Variants in GOLGA6C observed in about 807,000 individuals in gnomAD.
GOLGA6C encodes the protein golgin A6 family member C.
In GOLGA6C, 3 loss-of-function variants were observed where a neutral mutation model predicts 57.5. The observed-to-expected ratio is 0.05, with a 90% CI of 0.02 to 0.13. The LOEUF (loss-of-function observed/expected upper bound fraction) is 0.13. Among genes scored for constraint, GOLGA6C ranks in the 10% least tolerant of loss-of-function variants. The probability of loss-of-function intolerance (pLI) is 1.00; values close to 1 mark genes in which losing one functional copy is unlikely to be tolerated. For missense variants in GOLGA6C, 88 were observed against 525.6 expected (o/e 0.17, Z 8.14); for synonymous variants, 32 against 203.8 (o/e 0.16, Z 7.18).
At position 75,269,543 on chromosome 15, in the gene GOLGA6C, AC is replaced by A. The variant is rs1567165785; in HGVS notation, c.1685del (p.Thr562LysfsTer4). The A allele has an allele frequency of 2.4e-6, 3 of 1,263,580 alleles. No individual in the cohort carries two copies. Among genetic ancestry groups the A allele is most frequent in the Non-Finnish European group, 2.2e-6 (2 of 893,580 alleles). 78.3% of individuals were successfully genotyped at this position (1,263,580 alleles called of 1,614,324 possible). ...ELGFVQPSGVTDGMRESFTVY... is the reference protein window; with the variant it reads ...ELGFVQPSGVXDGMRESFTVY... ...TGGATTCGTCCAGCCTTCTGGAGTG[AC>A]AGACGGCATGAGTGAGCGGGAGGCC... On this transcript the variant is annotated frameshift_variant, in exon 15 of 18. Transcript: ENST00000300576. LOFTEE classifies it high-confidence loss of function.
intron 1 of GOLGA6C, among the ~76,000 whole-genome samples, chr15:75,259,024 C>T (rs1287672322): frequency 2.0e-5 from 3 of 149,416 alleles, no homozygotes; most frequent in East Asian, 2.0e-4. Context: ...CCAGCCCCAA[C>T]CCCCCAGCAT....
intron 1 of GOLGA6C, 39 bp from the exon 2 acceptor site, chr15:75,260,334 G>T: frequency 6.3e-7 from 1 of 1,599,590 alleles, no homozygotes; most frequent in Non-Finnish European, 8.5e-7. Flanking sequence ...TGTAAGGGCT[G>T]GTAGTTCTCA....
chr15:75,264,955 T>C (rs1595970951), intron 7 of GOLGA6C, among the ~76,000 whole-genome samples, 167 bp from the exon 8 acceptor site: 1 of 150,512 alleles, frequency 6.6e-6, no homozygotes, highest in East Asian at 2.0e-4. Flanking sequence ...ATTCGATCTC[T>C]TTCCCTCTCC....
At chr15:75,259,036 G>A (rs1409408071) in intron 1 of GOLGA6C, among the ~76,000 whole-genome samples, 5 of 148,808 alleles carry the variant, frequency 3.4e-5, no homozygotes, top group African/African-American at 7.6e-5. Context: ...CCCCAGCATC[G>A]CCAGTCATCC....
chr15:75,269,200 G>T (rs562371884), intron 14 of GOLGA6C, among the ~76,000 whole-genome samples: 2 of 146,554 alleles, frequency 1.4e-5, no homozygotes, highest in Admixed American at 6.9e-5. Flanking sequence ...ACGGCTATGT[G>T]GGCAGCGGAA....
Position 75,266,445 on chromosome 15 carries a change from A to T in GOLGA6C, c.1188A>T (p.Arg396=). 1 of 401,646 alleles carries T rather than the reference A, an allele frequency of 2.5e-6. No homozygotes were observed. The highest frequency in any genetic ancestry group is 6.2e-5 in the Admixed American group (1 of 16,064). The allele number at this position is 401,646 out of a possible 1,614,324, so 24.9% of individuals were successfully genotyped here. Residue 396 remains arginine, a synonymous_variant, in exon 11 of 18, where the codon CGA becomes CGT. Transcript: ENST00000300576. ...QRLRKQEERL[R]KEEERLQKQE... The stretch of plus-strand genomic sequence containing the variant: ...TACGCAAACAGGAGGAGAGGCTGCG[A>T]AAGGAGGAGGAGAGGCTGCAAAAGC...
chr15:75,260,852 GTAC>G (rs2070733899), intron 2 of GOLGA6C, among the ~76,000 whole-genome samples: 1 of 102,954 alleles, frequency 9.7e-6, no homozygotes, highest in African/African-American at 4.2e-5. Context: ...GGGCTAATGA[GTAC>G]AGCCACTTGC....
At chr15:75,264,439 GGTGTGTGTGTGT>G (rs368165570) in intron 7 of GOLGA6C, among the ~76,000 whole-genome samples, 1 of 117,318 alleles carries the variant, frequency 8.5e-6, no homozygotes, top group Non-Finnish European at 1.7e-5. Flanking sequence ...AGAGGAAAGG[GGTGTGTGTGTGT>G]GTGTGTGTGT....
rs1168607458 is a variant in GOLGA6C at position 75,270,450 on chromosome 15, C to T, written c.*251C>T. On this transcript the variant is annotated 3_prime_UTR_variant, in exon 18 of 18. Coordinates refer to ENST00000300576, the MANE Select transcript of GOLGA6C (RefSeq NM_001164404.2). ...AAAAGTTAAGGGAGAGTTGGTCTTT[C>T]CCTGATGTTCTTTCTGGCATCCTTT... Among the ~76,000 whole-genome samples the T allele has an allele frequency of 8.3e-6, 1 of 120,102 alleles. No homozygotes were observed. The highest frequency in any genetic ancestry group is 1.7e-5 in the Non-Finnish European group (1 of 60,476). The allele number at this position is 120,102 out of a possible 152,430, so 78.8% of individuals were successfully genotyped here.
Position 75,270,224 on chromosome 15 carries a change from C to A in GOLGA6C, c.*25C>A, listed in dbSNP as rs1449944757. On this transcript the variant is annotated 3_prime_UTR_variant, in exon 18 of 18. Coordinates refer to ENST00000300576, the MANE Select transcript of GOLGA6C (RefSeq NM_001164404.2). ...GGAGCACCCAGGCTTGCCCAGCAAACCCTGCGTGCCATTCTTCTACCAGGC... is the reference window on the plus strand; with the variant it reads ...GGAGCACCCAGGCTTGCCCAGCAAAACCTGCGTGCCATTCTTCTACCAGGC... 1.9e-5 allele frequency: 30 copies of A among 1,587,514 alleles called. No homozygotes were observed. Among genetic ancestry groups the A allele is most frequent in the Non-Finnish European group, 2.6e-5 (30 of 1,171,300 alleles).
At position 75,264,059 on chromosome 15, in the gene GOLGA6C, T is replaced by C. The variant is rs1292628818; in HGVS notation, c.540T>C (p.Ser180=). The C allele has an allele frequency of 6.3e-7, 1 of 1,595,772 alleles. No individual in the cohort carries two copies. The highest frequency in any genetic ancestry group is 1.1e-5 in the South Asian group (1 of 89,852). Residue 180 remains serine, a synonymous_variant, in exon 7 of 18, where the codon TCT becomes TCC. Transcript: ENST00000300576. ...QELERALSAV[S]TQQQEEDRSS... is the part of the protein sequence containing the mutation. The stretch of plus-strand genomic sequence containing the variant: ...TGGAGCGGGCTCTCTCTGCTGTGTC[T>C]ACACAGCAGCAGGAAGAGGACAGGG...
At chr15:75,269,085 T>G (rs1388120330) in intron 14 of GOLGA6C, among the ~76,000 whole-genome samples, 197 bp downstream of exon 14, 1 of 127,644 alleles carries the variant, frequency 7.8e-6, no homozygotes, top group Non-Finnish European at 1.7e-5. Flanking sequence ...GTTCTCCACC[T>G]CCCTGCCTCA....
intron 1 of GOLGA6C, among the ~76,000 whole-genome samples, chr15:75,259,157 G>T (rs1227871359): frequency 2.6e-5 from 4 of 152,026 alleles, no homozygotes; most frequent in African/African-American, 9.7e-5. Context: ...CACCTCCAAG[G>T]ACCTGGGTCC....
chr15:75,270,343 A>G lies in GOLGA6C; in HGVS notation c.*144A>G. 1 of 1,352,300 alleles carries G rather than the reference A, an allele frequency of 7.4e-7. No homozygotes were observed. The highest frequency in any genetic ancestry group is 2.8e-4 in the Middle Eastern group (1 of 3,578). The allele number at this position is 1,352,300 out of a possible 1,614,324, so 83.8% of individuals were successfully genotyped here. ...CAAAAAGTTACGGGGTTCATCTCCT[A>G]CACAATTCATTTACTCCATTTGAAT... On this transcript the variant is annotated 3_prime_UTR_variant, in exon 18 of 18. Coordinates refer to ENST00000300576, the MANE Select transcript of GOLGA6C (RefSeq NM_001164404.2).
Position 75,265,170 on chromosome 15 carries a change from A to G in GOLGA6C, c.613A>G (p.Ile205Val). Residue 205 changes from isoleucine (I) to valine (V), a missense_variant, in exon 8 of 18, where the codon ATA becomes GTA. Transcript: ENST00000300576. Reference sequence around the variant, plus strand: ...CCTCCAGCGGCGGTTACAGCAGACCATAAAGGAGCGGGCGCTGCTGAACGC... The same window carrying G: ...CCTCCAGCGGCGGTTACAGCAGACCGTAAAGGAGCGGGCGCTGCTGAACGC... ...AVLQRRLQQT[I>V]KERALLNAHV... The G allele has an allele frequency of 1.3e-6, 2 of 1,598,588 alleles. No homozygotes were observed. Among genetic ancestry groups the G allele is most frequent in the South Asian group, 1.1e-5 (1 of 90,054 alleles).
intron 2 of GOLGA6C, among the ~76,000 whole-genome samples, chr15:75,261,797 G>A (rs2141630231): frequency 4.1e-5 from 2 of 49,294 alleles, no homozygotes; most frequent in East Asian, 9.3e-4. Context: ...GAGCAGGCAT[G>A]TGGGATTTGG....
intron 7 of GOLGA6C, 38 bp from the exon 8 acceptor site, chr15:75,265,084 G>C (rs2070751969): frequency 3.1e-6 from 5 of 1,606,074 alleles, no homozygotes; most frequent in Non-Finnish European, 4.2e-6. Flanking sequence ...CACTGCCCGG[G>C]CTCCCCAGAT....
chr15:75,259,231 C>T (rs2070723744), intron 1 of GOLGA6C, among the ~76,000 whole-genome samples: 1 of 148,742 alleles, frequency 6.7e-6, no homozygotes, highest in African/African-American at 2.5e-5. Context: ...GATGAGGTTT[C>T]CCCCACCCCC....
intron 14 of GOLGA6C, among the ~76,000 whole-genome samples, chr15:75,269,089 T>G (rs1381724883): frequency 7.7e-6 from 1 of 129,604 alleles, no homozygotes; most frequent in African/African-American, 3.0e-5. Flanking sequence ...TCCACCTCCC[T>G]GCCTCATTTG....
Sources: allele counts gnomAD v4.1 joint callset (sites outside exome capture counted in the v4.1 genomes callset), GRCh38; gene constraint gnomAD v4.1.1; transcripts MANE v1.5; gene names NCBI Gene and HGNC (gene_info 2026-07-23, HGNC 2026-07-21).